The following NPR2 variants were observed in gnomAD, a reference collection of about 807,000 sequenced individuals.
NPR2 encodes natriuretic peptide receptor 2.
A neutral mutation model predicts 120.7 loss-of-function variants in NPR2; 49 were observed. The observed-to-expected ratio is 0.41, with a 90% CI of 0.32 to 0.52. NPR2 has a LOEUF of 0.52. Among genes scored for constraint, NPR2 ranks in the 20% least tolerant of loss-of-function variants. The pLI, the probability that NPR2 is intolerant of heterozygous loss-of-function variation, is 0.36. For synonymous variants in NPR2, 484 were observed against 519.8 expected (o/e 0.93, Z 0.94); for missense variants, 931 against 1,362.9 (o/e 0.68, Z 4.99).
Position 35,805,372 on chromosome 9 carries a change from C to T in NPR2, c.1888-139C>T. On this transcript the variant is annotated intron_variant, in intron 12 of 21. Transcript: ENST00000342694. The surrounding 1 kb of genome is among the most constrained non-coding windows in gnomAD (Gnocchi z 4.9). ...TTCCTGCTTCCTTGGGTGGAAACTG[C>T]AAAGGATGCCTTCCAAAATCAGCTT... 1 of 852,050 alleles carries T rather than the reference C, an allele frequency of 1.2e-6. No individual in the cohort carries two copies. Among genetic ancestry groups the T allele is most frequent in the Non-Finnish European group, 2.0e-6 (1 of 509,918 alleles). The allele number at this position is 852,050 out of a possible 1,614,324, so 52.8% of individuals were successfully genotyped here. A position where few individuals can be genotyped will look rare whatever the true frequency, so the allele number is the denominator to read the frequency against.
intron 17 of NPR2, 42 bp downstream of exon 17, chr9:35,807,188 G>GGGGGGA: frequency 2.2e-6 from 1 of 464,618 alleles, no homozygotes. Context: ...GGTTGGGTGG[G>GGGGGGA]TAGGGACCTG....
In NPR2 at chr9:35,800,683, G is replaced by A. The variant is rs1369105937; in HGVS notation, c.1219-26G>A. ...AGGAGGCTGGTGGGAGCAGGCCTGT[G>A]GGCCCAGCTTTTTGCTTCCTTACAG... On this transcript the variant is annotated intron_variant, in intron 5 of 21. Transcript: ENST00000342694. The surrounding 1 kb of genome is among the most constrained non-coding windows in gnomAD (Gnocchi z 4.7). The A allele has an allele frequency of 5.0e-6, 8 of 1,614,056 alleles. No homozygotes were observed. Among genetic ancestry groups the A allele is most frequent in the Non-Finnish European group, 1.7e-6 (2 of 1,180,008 alleles).
Position 35,807,316 on chromosome 9 carries a change from T to G in NPR2, c.2644-14T>G, listed in dbSNP as rs746976990. On this transcript the variant is annotated splice_polypyrimidine_tract_variant and intron_variant, in intron 17 of 21. Transcript: ENST00000342694. ...GCACAAGTCTCAGGGCCTCTGCTTT[T>G]CTATCCCTTTTAGGTAGTGACACTT... 5.6e-6 allele frequency: 9 copies of G among 1,610,314 alleles called. No homozygotes were observed. The highest frequency in any genetic ancestry group is 1.3e-5 in the African/African-American group (1 of 74,864).
Position 35,805,426 on chromosome 9 carries a change from A to T in NPR2, c.1888-85A>T, listed in dbSNP as rs1828331944. On this transcript the variant is annotated intron_variant, in intron 12 of 21. Transcript: ENST00000342694. This position sits in a 1 kb window ranked among gnomAD's most constrained non-coding sequence, Gnocchi z 4.9. ...ATTTTTGTGGACCCAAGATCTGTAG[A>T]CAGCTAGCCAGTGCCCATCTCATGG... 2 of 1,359,762 alleles carry T rather than the reference A, an allele frequency of 1.5e-6. No individual in the cohort carries two copies. Among genetic ancestry groups the T allele is most frequent in the Non-Finnish European group, 2.1e-6 (2 of 949,472 alleles). The allele number at this position is 1,359,762 out of a possible 1,614,324, so 84.2% of individuals were successfully genotyped here. A position where few individuals can be genotyped will look rare whatever the true frequency, so the allele number is the denominator to read the frequency against.
Position 35,794,146 on chromosome 9 carries a change from CT to C in NPR2, c.873+45del, listed in dbSNP as rs750141849. The C allele has an allele frequency of 1.9e-6, 3 of 1,569,554 alleles. No homozygotes were observed. In the East Asian group the frequency reaches 6.8e-5, roughly 36 times the overall value. On this transcript the variant is annotated intron_variant, in intron 2 of 21. Coordinates refer to ENST00000342694, the MANE Select transcript of NPR2 (RefSeq NM_003995.4). ...TCTGAAGGAGGAGGGGGAAGAGGTG[CT>C]TCGCTGGAAATTCTCTCTCACAAGA...
intron 7 of NPR2, 148 bp downstream of exon 7, chr9:35,801,302 C>T: frequency 1.4e-6 from 1 of 731,610 alleles, no homozygotes; most frequent in South Asian, 1.5e-5. Context: ...GTCTTCCTCT[C>T]TAGCCTTTCT....
rs1828092227 is a variant in NPR2 at position 35,800,124 on chromosome 9, A to G, written c.1090A>G (p.Ile364Val). The change falls in exon 4 of 22, where the codon ATT (isoleucine) becomes GTT (valine). Residue 364 changes from isoleucine to valine, a missense_variant. This residue lies in a region of NPR2 where 681 missense variants were observed against 974.3 expected (regional missense o/e 0.70). Transcript: ENST00000342694. The surrounding 1 kb of genome is among the most constrained non-coding windows in gnomAD (Gnocchi z 4.7). ...EGGTREDGLRIVEKMQGRRYH... is the reference protein window; with the variant it reads ...EGGTREDGLRVVEKMQGRRYH... ...AGGCACCCGGGAGGATGGACTTCGA[A>G]TTGTGGAAAAGATGCAGGGACGAAG... The G allele has an allele frequency of 6.2e-7, 1 of 1,614,022 alleles. No homozygotes were observed. Among genetic ancestry groups the G allele is most frequent in the Non-Finnish European group, 8.5e-7 (1 of 1,179,884 alleles).
intron 18 of NPR2, among the ~76,000 whole-genome samples, chr9:35,807,799 T>A (rs1304983965): frequency 6.6e-6 from 1 of 152,208 alleles, no homozygotes; most frequent in Non-Finnish European, 1.5e-5. Flanking sequence ...AGTTATTGAG[T>A]TGGATTTATT....
intron 2 of NPR2, among the ~76,000 whole-genome samples, chr9:35,797,980 C>G (rs758533864): frequency 1.2e-4 from 18 of 152,068 alleles, no homozygotes; most frequent in Admixed American, 9.8e-4. Flanking sequence ...CTTGTGTGTT[C>G]TTGCGTTTTC....
At chr9:35,793,284 A>G (rs1340387905) in intron 1 of NPR2, among the ~76,000 whole-genome samples, 6 of 152,158 alleles carry the variant, frequency 3.9e-5, no homozygotes. Flanking sequence ...GCAAACAAGG[A>G]AGAAGAGAGC....
intron 7 of NPR2, 120 bp from the exon 8 acceptor site, chr9:35,801,523 G>A (rs1371288586): frequency 9.6e-7 from 1 of 1,044,640 alleles, no homozygotes; most frequent in Non-Finnish European, 1.5e-6. Flanking sequence ...TTCCAGCCCT[G>A]TCTCTCAGGT....
Position 35,806,953 on chromosome 9 carries a change from A to C in NPR2, c.2520-70A>C. On this transcript the variant is annotated intron_variant, in intron 16 of 21. Transcript: ENST00000342694. This position sits in a 1 kb window ranked among gnomAD's most constrained non-coding sequence, Gnocchi z 4.6. ...TACAGCTCATCTCTGCTGCAGCCACATACACTTTCCCTCTCTCTTCCACTC... is the reference window on the plus strand; with the variant it reads ...TACAGCTCATCTCTGCTGCAGCCACCTACACTTTCCCTCTCTCTTCCACTC... 1.9e-6 allele frequency: 3 copies of C among 1,567,716 alleles called. No homozygotes were observed. The highest frequency in any genetic ancestry group is 1.8e-6 in the Non-Finnish European group (2 of 1,140,196).
chr9:35,802,544 C>A lies in NPR2; in HGVS notation c.1752C>A (p.Gly584=). ...VQFNHLTRFI[G]ACIDPPNICI... The stretch of plus-strand genomic sequence containing the variant: ...TCAACCATCTCACTCGCTTCATTGG[C>A]GCCTGCATAGACCCTCCCAACATTT... Residue 584 remains glycine (G), a synonymous_variant, in exon 11 of 22, where the codon GGC becomes GGA. Coordinates refer to ENST00000342694, the MANE Select transcript of NPR2 (RefSeq NM_003995.4). This position sits in a 1 kb window ranked among gnomAD's most constrained non-coding sequence, Gnocchi z 4.2. 1.9e-6 allele frequency: 3 copies of A among 1,609,456 alleles called. No homozygotes were observed. The highest frequency in any genetic ancestry group is 2.6e-6 in the Non-Finnish European group (3 of 1,175,734).
At position 35,791,779 on chromosome 9, in the gene NPR2, G is replaced by C. The variant is rs1827789183; in HGVS notation, c.-630G>C. Among the ~76,000 whole-genome samples, 1 of 151,844 alleles carries C rather than the reference G, an allele frequency of 6.6e-6. No individual in the cohort carries two copies. Among genetic ancestry groups the C allele is most frequent in the African/African-American group, 2.4e-5 (1 of 41,376 alleles). On this transcript the variant is annotated 5_prime_UTR_variant, in exon 1 of 22. Transcript: ENST00000342694. ...ACACGGGCGGGGCCGCCGTAGCTCC[G>C]GATGGGACCAGCGCCCGGGCCCGTT...
At position 35,791,681 on chromosome 9, in the gene NPR2, C is replaced by CG. The variant is rs1827786176; in HGVS notation, c.-722dup. On this transcript the variant is annotated 5_prime_UTR_variant, in exon 1 of 22. Coordinates refer to ENST00000342694, the MANE Select transcript of NPR2 (RefSeq NM_003995.4). ...ACGAGCGGCGCGCGCGGGGCCCAGG[C>CG]GGGGGGCGGGAGGAAGCGCCGGGCA... Among the ~76,000 whole-genome samples, 2 of 6,416 alleles carry CG rather than the reference C, an allele frequency of 3.1e-4. No individual in the cohort carries two copies. The highest frequency in any genetic ancestry group is 7.8e-4 in the African/African-American group (1 of 1,286). 4.2% of individuals were successfully genotyped at this position (6,416 alleles called of 152,430 possible).
rs1035923541 is a variant in NPR2 at position 35,808,918 on chromosome 9, A to G, written c.2986+65A>G. 1 of 1,080,968 alleles carries G rather than the reference A, an allele frequency of 9.3e-7. No homozygotes were observed. Among genetic ancestry groups the G allele is most frequent in the South Asian group, 1.2e-5 (1 of 80,332 alleles). 67.0% of individuals were successfully genotyped at this position (1,080,968 alleles called of 1,614,324 possible). ...TATCTTGCCCTTTTCTTCTTTTCAT[A>G]ATCCCTCCAATTTCTTAATCTGAGA... On this transcript the variant is annotated intron_variant, in intron 20 of 21. Transcript: ENST00000342694. The surrounding 1 kb of genome is among the most constrained non-coding windows in gnomAD (Gnocchi z 4.0).
chr9:35,800,318 C>T lies in NPR2; in HGVS notation c.1124-71C>T. On this transcript the variant is annotated intron_variant, in intron 4 of 21. Transcript: ENST00000342694. This position sits in a 1 kb window ranked among gnomAD's most constrained non-coding sequence, Gnocchi z 4.7. ...CGGGGAAGGGTAGACTCTGAGGGAG[C>T]CGTAGGCATGAGTGAGTGGGAGAGG... is the stretch of plus-strand genomic sequence containing the variant. 1 of 1,466,722 alleles carries T rather than the reference C, an allele frequency of 6.8e-7. No individual in the cohort carries two copies. Among genetic ancestry groups the T allele is most frequent in the Non-Finnish European group, 9.6e-7 (1 of 1,045,700 alleles). The allele number at this position is 1,466,722 out of a possible 1,614,324, so 90.9% of individuals were successfully genotyped here.
intron 3 of NPR2, 97 bp downstream of exon 3, chr9:35,799,828 A>C: frequency 7.2e-7 from 1 of 1,390,222 alleles, no homozygotes; most frequent in African/African-American, 1.4e-5. Flanking sequence ...GAGCAAGCCC[A>C]ACTTTGGGGG....
intron 12 of NPR2, among the ~76,000 whole-genome samples, chr9:35,804,657 C>A (rs1472138879): frequency 1.3e-5 from 2 of 152,230 alleles, no homozygotes; most frequent in African/African-American, 4.8e-5. Context: ...TTATGATGTT[C>A]TGCACTTTCT....
Sources: gnomAD v4.1 joint callset for allele counts (sites outside exome capture counted in the v4.1 genomes callset) on GRCh38, gnomAD v4.1.1 for gene constraint, gnomAD v4.1.1 regional missense constraint, Gnocchi (gnomAD v3.1) non-coding constraint, MANE v1.5 for transcripts, NCBI Gene and HGNC (gene_info 2026-07-23, HGNC 2026-07-21) for gene names.